Variants in AKAP6 observed in about 807,000 individuals in gnomAD.
AKAP6 encodes the protein A-kinase anchor protein 6.
Under a neutral mutation model 188.5 loss-of-function variants are expected in AKAP6, and 58 were observed. That is an observed-to-expected ratio of 0.31 (90% CI 0.25 to 0.38). The LOEUF is 0.38. Among genes scored for constraint, AKAP6 ranks in the 10% least tolerant of loss-of-function variants. The pLI, the probability that AKAP6 is intolerant of heterozygous loss-of-function variation, is 1.00. For missense variants in AKAP6, 2,710 were observed against 2,740.0 expected, an observed-to-expected ratio of 0.99 and a Z score of 0.24; for synonymous variants, 989 against 998.6, an observed-to-expected ratio of 0.99 and a Z score of 0.18.
At chr14:32,657,390 G>A (rs755719936) in intron 7 of AKAP6, among the ~76,000 whole-genome samples, 1 of 152,114 alleles carries the variant, frequency 6.6e-6, no homozygotes, top group Non-Finnish European at 1.5e-5. Context: ...ACAGCTTAAA[G>A]CAGCAAATGA....
intron 2 of AKAP6, among the ~76,000 whole-genome samples, chr14:32,439,980 T>A (rs1279689006): frequency 6.6e-6 from 1 of 152,196 alleles, no homozygotes; most frequent in Non-Finnish European, 1.5e-5. Flanking sequence ...TAGATCACTA[T>A]TTTTCAACAA....
At chr14:32,662,906 G>A (rs1442374607) in intron 7 of AKAP6, among the ~76,000 whole-genome samples, 1 of 151,920 alleles carries the variant, frequency 6.6e-6, no homozygotes, top group Non-Finnish European at 1.5e-5. Flanking sequence ...TTTTCCTGTA[G>A]ACTTTCTCTT....
At chr14:32,661,151 G>C (rs965304094) in intron 7 of AKAP6, among the ~76,000 whole-genome samples, 12 of 152,100 alleles carry the variant, frequency 7.9e-5, no homozygotes, top group African/African-American at 2.9e-4. Flanking sequence ...AGGAATAGTA[G>C]GAAGTCAAAA....
intron 11 of AKAP6, among the ~76,000 whole-genome samples, chr14:32,741,921 T>C (rs1263231442): frequency 1.3e-5 from 2 of 150,602 alleles, no homozygotes; most frequent in African/African-American, 4.9e-5. Flanking sequence ...CCCTCCTCTA[T>C]TTTTTGGAAT....
In AKAP6 at chr14:32,822,768, G is replaced by C; in HGVS notation, c.4955G>C (p.Arg1652Pro). The change falls in exon 13 of 14, where the codon CGA (arginine) becomes CCA (proline). Residue 1652 changes from arginine (R) to proline (P), a missense_variant. Arg to Pro is a moderately radical substitution (Grantham distance 103). This residue lies in a region of AKAP6 where 2,473 missense variants were observed against 2,426.1 expected (regional missense o/e 1.02). Transcript: ENST00000280979. Reference sequence around the variant, plus strand: ...AGCCCCTCAGAGCAAAAGATAAAACGAAGTGTTTCTGATATCACTCTTCAA... The same window carrying C: ...AGCCCCTCAGAGCAAAAGATAAAACCAAGTGTTTCTGATATCACTCTTCAA... ...IQSPSEQKIK[R>P]SVSDITLQSS... 3 of 1,613,890 alleles carry C rather than the reference G, an allele frequency of 1.9e-6. No individual in the cohort carries two copies. The highest frequency in any genetic ancestry group is 2.7e-5 in the African/African-American group (2 of 75,028).
intron 2 of AKAP6, among the ~76,000 whole-genome samples, chr14:32,502,199 A>C (rs1364733814): frequency 1.3e-5 from 2 of 152,084 alleles, no homozygotes; most frequent in Non-Finnish European, 2.9e-5. Context: ...AAGTGCTCTT[A>C]ATGGTGAAAT....
At chr14:32,715,911 C>G (rs576147384) in intron 9 of AKAP6, among the ~76,000 whole-genome samples, 3 of 151,856 alleles carry the variant, frequency 2.0e-5, no homozygotes, top group East Asian at 1.9e-4. Flanking sequence ...GCATGCAACT[C>G]TGCATGCTAA....
At chr14:32,645,147 T>C (rs1038581113) in intron 7 of AKAP6, among the ~76,000 whole-genome samples, 2 of 152,196 alleles carry the variant, frequency 1.3e-5, no homozygotes, top group African/African-American at 2.4e-5. Context: ...AAGGTTAGAT[T>C]CTATTTAAAT....
chr14:32,410,459 T>C (rs531783852), intron 1 of AKAP6, among the ~76,000 whole-genome samples: 11 of 152,300 alleles, frequency 7.2e-5, no homozygotes, highest in Admixed American at 2.0e-4. Flanking sequence ...AATGTATTTG[T>C]TTGATGTCTC....
intron 7 of AKAP6, among the ~76,000 whole-genome samples, chr14:32,629,706 A>G (rs957293816): frequency 1.3e-4 from 19 of 149,308 alleles, no homozygotes; most frequent in Admixed American, 1.0e-3. Context: ...TCAGGAAGCC[A>G]GAAGAACTAG....
intron 12 of AKAP6, among the ~76,000 whole-genome samples, chr14:32,787,473 T>C (rs750521197): frequency 6.6e-6 from 1 of 152,158 alleles, no homozygotes; most frequent in Non-Finnish European, 1.5e-5. Flanking sequence ...TAAATACATA[T>C]TTATCTGGGT....
At chr14:32,341,993 C>T (rs931313682) in intron 1 of AKAP6, among the ~76,000 whole-genome samples, 1 of 152,142 alleles carries the variant, frequency 6.6e-6, no homozygotes, top group Non-Finnish European at 1.5e-5. Context: ...TCCTGGGTGA[C>T]AGAGCAAGTC....
intron 2 of AKAP6, among the ~76,000 whole-genome samples, chr14:32,479,448 A>G (rs1243584208): frequency 6.6e-6 from 1 of 152,204 alleles, no homozygotes; most frequent in East Asian, 1.9e-4. Flanking sequence ...TTTACATGTA[A>G]TAAAAAATTG....
chr14:32,764,318 C>T (rs2032636100), intron 11 of AKAP6, among the ~76,000 whole-genome samples: 1 of 152,138 alleles, frequency 6.6e-6, no homozygotes, highest in Non-Finnish European at 1.5e-5. Context: ...ATTATAACCA[C>T]CCTGAGCTTA....
intron 2 of AKAP6, among the ~76,000 whole-genome samples, chr14:32,439,580 C>T (rs1890500551): frequency 7.3e-6 from 1 of 137,298 alleles, no homozygotes. Flanking sequence ...TCTCTTTCTC[C>T]CACTACTGGA....
rs1415788349 is a variant in AKAP6 at position 32,735,675 on chromosome 14, G to A, written c.3165G>A (p.Lys1055=). 2 of 1,595,912 alleles carry A rather than the reference G, an allele frequency of 1.3e-6. No individual in the cohort carries two copies. Among genetic ancestry groups the A allele is most frequent in the South Asian group, 1.1e-5 (1 of 87,516 alleles). ...TGCATTAGAAAACCCTAGGAGAGAAGATCCAGGACACAATGGCAGGGCACA... is the reference window on the plus strand; with the variant it reads ...TGCATTAGAAAACCCTAGGAGAGAAAATCCAGGACACAATGGCAGGGCACA... The part of the protein sequence containing the change: ...WELLGKTLGE[K]IQDTMAGHSG... Residue 1055 remains lysine, a synonymous_variant, in exon 11 of 14, where the codon AAG becomes AAA. Coordinates refer to ENST00000280979, the MANE Select transcript of AKAP6 (RefSeq NM_004274.5).
intron 2 of AKAP6, among the ~76,000 whole-genome samples, chr14:32,475,182 A>G (rs567989546): frequency 2.5e-4 from 38 of 152,296 alleles, no homozygotes; most frequent in Middle Eastern, 3.4e-3. Context: ...TGCATGCACT[A>G]TCATGTTTTG....
intron 2 of AKAP6, among the ~76,000 whole-genome samples, chr14:32,486,347 G>T (rs537958772): frequency 1.3e-4 from 20 of 151,888 alleles, no homozygotes; most frequent in Admixed American, 1.2e-3. Flanking sequence ...TTCTAATTCT[G>T]CAAAGAAAGA....
intron 2 of AKAP6, among the ~76,000 whole-genome samples, chr14:32,482,171 T>G (rs1879385265): frequency 6.6e-6 from 1 of 152,176 alleles, no homozygotes; most frequent in African/African-American, 2.4e-5. Flanking sequence ...TATTTGAATC[T>G]CCTTCTCAGG....
Sources: allele counts gnomAD v4.1 joint callset (sites outside exome capture counted in the v4.1 genomes callset), GRCh38; gene constraint gnomAD v4.1.1; regional missense constraint gnomAD v4.1.1; transcripts MANE v1.5; gene names NCBI Gene and HGNC (gene_info 2026-07-23, HGNC 2026-07-21).